The following GPR157 variants were observed in gnomAD, a reference collection of about 807,000 sequenced individuals.
The protein encoded by GPR157 is G-protein coupled receptor 157.
In GPR157, 16 loss-of-function variants were observed where a neutral mutation model predicts 23.5. That is an observed-to-expected ratio of 0.68 (90% confidence interval 0.46 to 1.04). The LOEUF is 1.04. Among genes scored for constraint, GPR157 ranks in the 50% least tolerant of loss-of-function variants. The pLI is 0.00. For synonymous variants in GPR157, 200 were observed against 221.5 expected, an observed-to-expected ratio of 0.90 and a Z score of 0.86; for missense variants, 440 against 460.7, an observed-to-expected ratio of 0.96 and a Z score of 0.41.
intron 1 of GPR157, among the ~76,000 whole-genome samples, chr1:9,123,341 TATATATATTTAATTTAA>T (rs1455640314): frequency 3.2e-5 from 1 of 31,260 alleles, no homozygotes; most frequent in Non-Finnish European, 6.0e-5. Context: ...TTAATTTAAA[TATATATATTTAATTTAA>T]ATATATATTT....
chr1:9,117,091 G>A (rs968393900), intron 1 of GPR157, among the ~76,000 whole-genome samples: 2 of 152,012 alleles, frequency 1.3e-5, no homozygotes, highest in African/African-American at 2.4e-5. Context: ...TGATCCTCCC[G>A]TCTCAGCCTC....
In GPR157 at chr1:9,120,687, C is replaced by T. The variant is rs908580316; in HGVS notation, c.383+7958G>A. Among the ~76,000 whole-genome samples the T allele has an allele frequency of 6.6e-6, 1 of 152,144 alleles. No individual in the cohort carries two copies. The highest frequency in any genetic ancestry group is 1.5e-5 in the Non-Finnish European group (1 of 68,022). ...GGGGAGAGGAATGTCTAAAGGAACT[C>T]GCAGATGCACACTCATGCCCTAGTG... On this transcript the variant is annotated intron_variant, in intron 1 of 3. Coordinates refer to ENST00000377411, the MANE Select transcript of GPR157 (RefSeq NM_024980.5). The surrounding 1 kb of genome is among the most constrained non-coding windows in gnomAD (Gnocchi z 4.1).
rs569605202 is a variant in GPR157 at position 9,111,619 on chromosome 1, C to T, written c.384-130G>A. The T allele has an allele frequency of 2.4e-4, 163 of 687,554 alleles. 1 individual carries two copies. In the South Asian group the frequency reaches 2.6e-3, roughly 11 times the overall value. The allele number at this position is 687,554 out of a possible 1,614,324, so 42.6% of individuals were successfully genotyped here. ...TCCAGAGCCTGGATGGCACAGTGGC[C>T]CTGGAAAATAAGAAGGGGTAGGTGT... On this transcript the variant is annotated intron_variant, in intron 1 of 3. Transcript: ENST00000377411.
At position 9,120,621 on chromosome 1, in the gene GPR157, C is replaced by A. The variant is rs964292268; in HGVS notation, c.383+8024G>T. Among the ~76,000 whole-genome samples, 3 of 152,084 alleles carry A rather than the reference C, an allele frequency of 2.0e-5. No individual in the cohort carries two copies. The highest frequency in any genetic ancestry group is 7.2e-5 in the African/African-American group (3 of 41,384). On this transcript the variant is annotated intron_variant, in intron 1 of 3. Transcript: ENST00000377411. The surrounding 1 kb of genome is among the most constrained non-coding windows in gnomAD (Gnocchi z 4.1). The stretch of plus-strand genomic sequence containing the variant: ...GAAGTTCAGGGAGTCAGCCCCTAGG[C>A]CAGGCTACCACGAGGTCACTCTGCA...
intron 1 of GPR157, among the ~76,000 whole-genome samples, chr1:9,125,463 T>C (rs1394202436): frequency 6.6e-6 from 1 of 152,086 alleles, no homozygotes; most frequent in Non-Finnish European, 1.5e-5. Flanking sequence ...CATGCTGAAA[T>C]GTGATTTCCT....
At chr1:9,123,176 T>TA (rs1638839353) in intron 1 of GPR157, among the ~76,000 whole-genome samples, 1 of 91,136 alleles carries the variant, frequency 1.1e-5, no homozygotes, top group African/African-American at 4.2e-5. Flanking sequence ...AAAAAAAAAA[T>TA]ATATATATAT....
rs563297249 is a variant in GPR157, at chr1:9,128,866, C to A, written c.162G>T (p.Ser54=). The A allele has an allele frequency of 1.1e-5, 17 of 1,579,726 alleles. No homozygotes were observed. The African/African-American group carries it at 1.2e-4, about 11-fold the overall frequency. The change falls in exon 1 of 4, where the codon TCG becomes TCT. Residue 54 remains serine, a synonymous_variant. Transcript: ENST00000377411. This position sits in a 1 kb window ranked among gnomAD's most constrained non-coding sequence, Gnocchi z 6.3. ...AGGCGGCCGAGAGCAGGTCGGCCAG[C>A]GACAGGAAGAGCAGCAGGCGCCGTG... ...SRARRLLLFL[S]LADLLSAASY...
intron 1 of GPR157, among the ~76,000 whole-genome samples, chr1:9,127,720 G>C (rs975269445): frequency 6.6e-6 from 1 of 152,212 alleles, no homozygotes; most frequent in African/African-American, 2.4e-5. Context: ...AGTGCTGACT[G>C]TGCTCGCAGT....
At chr1:9,106,018 T>C (rs1329963253) in intron 2 of GPR157, among the ~76,000 whole-genome samples, 1 of 152,132 alleles carries the variant, frequency 6.6e-6, no homozygotes, top group East Asian at 1.9e-4. Context: ...TTTGACCCCT[T>C]TCTTTGTCCC....
At chr1:9,116,358 A>ATAATATATATAT (rs1436425911) in intron 1 of GPR157, among the ~76,000 whole-genome samples, 1 of 12,106 alleles carries the variant, frequency 8.3e-5, no homozygotes, top group African/African-American at 4.7e-4. Flanking sequence ...AATTATATAT[A>ATAATATATATAT]AATTATATAT....
At chr1:9,121,962 C>T (rs1638806276) in intron 1 of GPR157, among the ~76,000 whole-genome samples, 1 of 152,224 alleles carries the variant, frequency 6.6e-6, no homozygotes, top group African/African-American at 2.4e-5. Flanking sequence ...TGAGCTGTCC[C>T]GACCCTTTAG....
Position 9,128,845 on chromosome 1 carries a change from G to A in GPR157, c.183C>T (p.Ala61=), listed in dbSNP as rs1639028173. ...GCAGCACTCCGTAGAAGTAGGAGGC[G>A]GCCGAGAGCAGGTCGGCCAGCGACA... ...LFLSLADLLS[A]ASYFYGVLQN... is the part of the protein sequence containing the mutation. The change falls in exon 1 of 4, where the codon GCC becomes GCT. Residue 61 remains alanine (A), a synonymous_variant. Transcript: ENST00000377411. This position sits in a 1 kb window ranked among gnomAD's most constrained non-coding sequence, Gnocchi z 6.3. 1.9e-6 allele frequency: 3 copies of A among 1,598,914 alleles called. No individual in the cohort carries two copies. The highest frequency in any genetic ancestry group is 2.6e-6 in the Non-Finnish European group (3 of 1,173,546).
rs1276647071 is a variant in GPR157, at chr1:9,128,248, C to T, written c.383+397G>A. On this transcript the variant is annotated intron_variant, in intron 1 of 3. Transcript: ENST00000377411. The surrounding 1 kb of genome is among the most constrained non-coding windows in gnomAD (Gnocchi z 6.3). ...GGCGTGGGACTGGCAGTTGCCGGCT[C>T]TCCAGCCCGGGACAGTTACCTAACT... 2.0e-6 allele frequency: 1 copy of T among 489,768 alleles called. No individual in the cohort carries two copies. The highest frequency in any genetic ancestry group is 4.0e-6 in the Non-Finnish European group (1 of 249,858). 30.3% of individuals were successfully genotyped at this position (489,768 alleles called of 1,614,324 possible).
rs766521441 is a variant in GPR157 at position 9,128,726 on chromosome 1, G to T, written c.302C>A (p.Ala101Glu). The T allele has an allele frequency of 6.2e-6, 10 of 1,613,306 alleles. No homozygotes were observed. In the Admixed American group the frequency reaches 1.5e-4, roughly 24 times the overall value. ...TSSFFWTVAIALYLYLSIVRA... is the reference protein window; with the variant it reads ...TSSFFWTVAIELYLYLSIVRA... Reference sequence around the variant, plus strand: ...GACGATGCTGAGGTACAAGTAGAGCGCAATGGCCACGGTCCAGAAGAAGGA... The same window carrying T: ...GACGATGCTGAGGTACAAGTAGAGCTCAATGGCCACGGTCCAGAAGAAGGA... Residue 101 changes from alanine (A) to glutamate (E), a missense_variant, in exon 1 of 4, where the codon GCG becomes GAG. By Grantham distance (107) the Ala-to-Glu change is moderately radical. Transcript: ENST00000377411. This position sits in a 1 kb window ranked among gnomAD's most constrained non-coding sequence, Gnocchi z 6.3.
At chr1:9,114,593 C>T (rs1004595512) in intron 1 of GPR157, among the ~76,000 whole-genome samples, 1 of 152,140 alleles carries the variant, frequency 6.6e-6, no homozygotes, top group South Asian at 2.1e-4. Flanking sequence ...TGCATCCCGA[C>T]GGGCCCTCAT....
At chr1:9,112,342 T>C (rs1638530259) in intron 1 of GPR157, among the ~76,000 whole-genome samples, 1 of 152,228 alleles carries the variant, frequency 6.6e-6, no homozygotes, top group Non-Finnish European at 1.5e-5. Flanking sequence ...GTGTGTCCCT[T>C]TGGCCTTGAG....
At chr1:9,110,147 G>A (rs1294126584) in intron 2 of GPR157, among the ~76,000 whole-genome samples, 1 of 152,202 alleles carries the variant, frequency 6.6e-6, no homozygotes, top group Non-Finnish European at 1.5e-5. Context: ...CTCTCTCCAG[G>A]AGGGCAGGAT....
At chr1:9,112,945 T>C (rs1638545925) in intron 1 of GPR157, among the ~76,000 whole-genome samples, 1 of 152,200 alleles carries the variant, frequency 6.6e-6, no homozygotes. Context: ...TGGATTTTAG[T>C]GCAGCGGGCT....
At chr1:9,111,517 CG>C in intron 1 of GPR157, 28 bp from the exon 2 acceptor site, 1 of 1,590,966 alleles carries the variant, frequency 6.3e-7, no homozygotes, top group South Asian at 1.1e-5. Flanking sequence ...AAAGAGGCAT[CG>C]GGGTCAGGCC....
Sources: gnomAD v4.1 joint callset for allele counts (sites outside exome capture counted in the v4.1 genomes callset) on GRCh38, gnomAD v4.1.1 for gene constraint, Gnocchi (gnomAD v3.1) non-coding constraint, MANE v1.5 for transcripts, NCBI Gene and HGNC (gene_info 2026-07-23, HGNC 2026-07-21) for gene names.